Variants in PPT2 observed in about 807,000 individuals in gnomAD.
PPT2 encodes the protein lysosomal thioesterase PPT2.
In PPT2, 20 loss-of-function variants were observed where a neutral mutation model predicts 37.3. The ratio of observed to expected loss-of-function variants is 0.54; its 90% CI spans 0.38 to 0.78. PPT2 has a LOEUF of 0.78. Among genes scored for constraint, PPT2 ranks in the 30% least tolerant of loss-of-function variants. The pLI, the probability that PPT2 is intolerant of heterozygous loss-of-function variation, is 0.00. For synonymous variants in PPT2, 135 were observed against 159.1 expected (o/e 0.85, Z 1.14); for missense variants, 270 against 389.8 (o/e 0.69, Z 2.59).
intron 7 of PPT2, among the ~76,000 whole-genome samples, chr6:32,160,676 GA>G (rs1188686329): frequency 6.8e-6 from 1 of 147,716 alleles, no homozygotes; most frequent in Non-Finnish European, 1.5e-5. Flanking sequence ...AAAAAAAAAA[GA>G]AAAAAAGGAT....
chr6:32,156,004 T>G lies in PPT2; in HGVS notation c.541+26T>G, dbSNP rs1433761241. 1 of 1,554,054 alleles carries G rather than the reference T, an allele frequency of 6.4e-7. No homozygotes were observed. The highest frequency in any genetic ancestry group is 8.9e-7 in the Non-Finnish European group (1 of 1,125,620). On this transcript the variant is annotated intron_variant, in intron 5 of 8. Coordinates refer to ENST00000324816, the MANE Select transcript of PPT2 (RefSeq NM_005155.7). This position sits in a 1 kb window ranked among gnomAD's most constrained non-coding sequence, Gnocchi z 4.9. Reference sequence around the variant, plus strand: ...GTGAGTGGGGATGCTGAACTGGGGCTTCCATGGATCAGGTCAGTTGCTTCC... The same window carrying G: ...GTGAGTGGGGATGCTGAACTGGGGCGTCCATGGATCAGGTCAGTTGCTTCC...
At chr6:32,160,723 T>G (rs1784100424) in intron 7 of PPT2, among the ~76,000 whole-genome samples, 1 of 151,718 alleles carries the variant, frequency 6.6e-6, no homozygotes, top group African/African-American at 2.4e-5. Context: ...ATTTCATACT[T>G]AAGAAAAGTT....
rs1011321627 is a variant in PPT2 at position 32,156,106 on chromosome 6, C to T, written c.541+128C>T. ...TTGAGTTATTTGAACAGGCTCTGTT[C>T]AGAATTTTTTTTTTTTTTGAGACGG... On this transcript the variant is annotated intron_variant, in intron 5 of 8. Transcript: ENST00000324816. This position sits in a 1 kb window ranked among gnomAD's most constrained non-coding sequence, Gnocchi z 4.9. The T allele has an allele frequency of 6.4e-6, 5 of 782,668 alleles. No individual in the cohort carries two copies. The highest frequency in any genetic ancestry group is 5.3e-5 in the African/African-American group (3 of 56,864). 48.5% of individuals were successfully genotyped at this position (782,668 alleles called of 1,614,324 possible).
upstream of PPT2, chr6:32,153,656 C>T: frequency 3.2e-6 from 1 of 308,126 alleles, no homozygotes; most frequent in Non-Finnish European, 6.2e-6. The surrounding 1 kb of genome is among the most constrained non-coding windows in gnomAD (Gnocchi z 4.4). Context: ...TGACCTGGGG[C>T]GGACTGGAGG....
At chr6:32,153,745 C>A, upstream of PPT2, 1 of 1,366,590 alleles carries the variant, frequency 7.3e-7, no homozygotes, top group East Asian at 2.5e-5. The surrounding 1 kb of genome is among the most constrained non-coding windows in gnomAD (Gnocchi z 4.4). Flanking sequence ...ACCCAGCACA[C>A]GGCAAAATGC....
rs554874910 is a variant in PPT2 at position 32,160,538 on chromosome 6, G to A, written c.711-2030G>A. ...TACAAAAATTAGTGGGCCTGGTGGC[G>A]CACGCCTGTAGTTCCAGCTACTCAG... On this transcript the variant is annotated intron_variant, in intron 7 of 8. Coordinates refer to ENST00000324816, the MANE Select transcript of PPT2 (RefSeq NM_005155.7). Among the ~76,000 whole-genome samples, 9 of 151,546 alleles carry A rather than the reference G, an allele frequency of 5.9e-5. No individual in the cohort carries two copies. The South Asian group carries it at 1.3e-3, about 21-fold the overall frequency.
upstream of PPT2, chr6:32,153,957 C>T: frequency 7.3e-7 from 1 of 1,371,444 alleles, no homozygotes; most frequent in Non-Finnish European, 9.4e-7. This position sits in a 1 kb window ranked among gnomAD's most constrained non-coding sequence, Gnocchi z 4.4. Flanking sequence ...TTTTCCTCTC[C>T]CCACTGGCCT....
Position 32,155,289 on chromosome 6 carries a change from A to G in PPT2, c.337+106A>G, listed in dbSNP as rs1203447547. ...TTTTCTGAACCACATTGCTCCAGGC[A>G]CAACCCTGGTACCTGAGCCCTTCCT... On this transcript the variant is annotated intron_variant, in intron 3 of 8. Coordinates refer to ENST00000324816, the MANE Select transcript of PPT2 (RefSeq NM_005155.7). The surrounding 1 kb of genome is among the most constrained non-coding windows in gnomAD (Gnocchi z 4.3). 4.5e-6 allele frequency: 6 copies of G among 1,332,796 alleles called. No individual in the cohort carries two copies. In the African/African-American group the frequency reaches 8.8e-5, roughly 19 times the overall value. The allele number at this position is 1,332,796 out of a possible 1,614,324, so 82.6% of individuals were successfully genotyped here.
chr6:32,161,675 C>T (rs912690385), intron 7 of PPT2, among the ~76,000 whole-genome samples: 1 of 149,678 alleles, frequency 6.7e-6, no homozygotes, highest in East Asian at 2.0e-4. Flanking sequence ...GCAACCTTTG[C>T]GTCCCAGAAT....
intron 7 of PPT2, among the ~76,000 whole-genome samples, chr6:32,160,076 G>A (rs1220977347): frequency 2.0e-5 from 3 of 146,488 alleles, no homozygotes; most frequent in South Asian, 2.2e-4. Flanking sequence ...TGGAGTCTTC[G>A]CTCGGTCGCC....
chr6:32,160,875 C>A (rs1021400353), intron 7 of PPT2, among the ~76,000 whole-genome samples: 3 of 151,274 alleles, frequency 2.0e-5, no homozygotes, highest in African/African-American at 7.3e-5. Context: ...GTAGTCCCAG[C>A]TACTTGGGAG....
chr6:32,159,724 C>CTTT (rs1262133551), intron 7 of PPT2, among the ~76,000 whole-genome samples: 4 of 141,842 alleles, frequency 2.8e-5, no homozygotes, highest in Non-Finnish European at 4.6e-5. Context: ...CTGTTTCTTC[C>CTTT]TTTTTTTTTT....
In PPT2 at chr6:32,155,802, C is replaced by A; in HGVS notation, c.433+19C>A. The A allele has an allele frequency of 1.2e-6, 2 of 1,610,822 alleles. No homozygotes were observed. Among genetic ancestry groups the A allele is most frequent in the Non-Finnish European group, 1.7e-6 (2 of 1,177,008 alleles). Reference sequence around the variant, plus strand: ...TATGGAGGTGAGTGGGCACTAGACTCCATAGAATGCCCTGAGTTTTGGGGG... The same window carrying A: ...TATGGAGGTGAGTGGGCACTAGACTACATAGAATGCCCTGAGTTTTGGGGG... On this transcript the variant is annotated intron_variant, in intron 4 of 8. Transcript: ENST00000324816. This position sits in a 1 kb window ranked among gnomAD's most constrained non-coding sequence, Gnocchi z 4.3.
rs1784241214 is a variant in PPT2 at position 32,162,698 on chromosome 6, C to T, written c.765+76C>T. 11 of 1,573,148 alleles carry T rather than the reference C, an allele frequency of 7.0e-6. No homozygotes were observed. In the East Asian group the frequency reaches 2.5e-4, roughly 35 times the overall value. On this transcript the variant is annotated intron_variant, in intron 8 of 8. Transcript: ENST00000324816. The surrounding 1 kb of genome is among the most constrained non-coding windows in gnomAD (Gnocchi z 5.5). ...CAGAGCCCTCTCTGTGACTCCTGAG[C>T]TGAAGGGTTCACCCTGTGGGGAGGA...
rs28359849 is a variant in PPT2 at position 32,155,584 on chromosome 6, CTGTGTGTGTGTG to C, written c.338-81_338-70del. 46 of 698,632 alleles carry C rather than the reference CTGTGTGTGTGTG, an allele frequency of 6.6e-5. No individual in the cohort carries two copies. The highest frequency in any genetic ancestry group is 3.9e-4 in the African/African-American group (18 of 45,974). 43.3% of individuals were successfully genotyped at this position (698,632 alleles called of 1,614,324 possible). A position where few individuals can be genotyped will look rare whatever the true frequency, so the allele number is the denominator to read the frequency against. On this transcript the variant is annotated intron_variant, in intron 3 of 8. Transcript: ENST00000324816. The surrounding 1 kb of genome is among the most constrained non-coding windows in gnomAD (Gnocchi z 4.3). Reference sequence around the variant, plus strand: ...GTACAGTGTGTGTCTGTGTGTGTCTCTGTGTGTGTGTGTGTGTGTGTGTGTGTGTGTGTGGTG... The same window carrying C: ...GTACAGTGTGTGTCTGTGTGTGTCTCTGTGTGTGTGTGTGTGTGTGTGGTG...
chr6:32,160,631 AC>A (rs1784094211), intron 7 of PPT2, among the ~76,000 whole-genome samples: 1 of 151,656 alleles, frequency 6.6e-6, no homozygotes, highest in Admixed American at 6.6e-5. Flanking sequence ...GTGCCACTGC[AC>A]TCCAGCCTGG....
chr6:32,153,605 A>G, upstream of PPT2: 1 of 1,374,400 alleles, frequency 7.3e-7, no homozygotes. The surrounding 1 kb of genome is among the most constrained non-coding windows in gnomAD (Gnocchi z 4.4). Context: ...TCTGGAGACA[A>G]GGGCACTACA....
At position 32,155,216 on chromosome 6, in the gene PPT2, CCTAT is replaced by C. The variant is rs1436783958; in HGVS notation, c.337+36_337+39del. The C allele has an allele frequency of 6.2e-7, 1 of 1,610,850 alleles. No individual in the cohort carries two copies. Among genetic ancestry groups the C allele is most frequent in the Non-Finnish European group, 8.5e-7 (1 of 1,178,278 alleles). Reference sequence around the variant, plus strand: ...ACTCCCCTGCCCCTAACTCCTAAGCCCTATCTGAGGCTTGATCCTTATCTGAGGG... The same window carrying C: ...ACTCCCCTGCCCCTAACTCCTAAGCCCTGAGGCTTGATCCTTATCTGAGGG... On this transcript the variant is annotated intron_variant, in intron 3 of 8. Coordinates refer to ENST00000324816, the MANE Select transcript of PPT2 (RefSeq NM_005155.7). This position sits in a 1 kb window ranked among gnomAD's most constrained non-coding sequence, Gnocchi z 4.3.
At position 32,154,692 on chromosome 6, in the gene PPT2, G is replaced by T; in HGVS notation, c.98G>T (p.Arg33Leu). The change falls in exon 2 of 9, where the codon CGC becomes CTC. Residue 33 changes from arginine to leucine, a missense_variant. Transcript: ENST00000324816. The surrounding 1 kb of genome is among the most constrained non-coding windows in gnomAD (Gnocchi z 7.3). ...CTGCTTGCAGCCCCCGCGCCCCACCGCGCGTCCTACAAGCCGGTCATCGTG... is the reference window on the plus strand; with the variant it reads ...CTGCTTGCAGCCCCCGCGCCCCACCTCGCGTCCTACAAGCCGGTCATCGTG... ...LLLLAAPAPH[R>L]ASYKPVIVVH... 1 of 1,613,044 alleles carries T rather than the reference G, an allele frequency of 6.2e-7. No individual in the cohort carries two copies. The highest frequency in any genetic ancestry group is 8.5e-7 in the Non-Finnish European group (1 of 1,180,004).
Sources: gnomAD v4.1 joint callset for allele counts (sites outside exome capture counted in the v4.1 genomes callset) on GRCh38, gnomAD v4.1.1 for gene constraint, Gnocchi (gnomAD v3.1) non-coding constraint, MANE v1.5 for transcripts, NCBI Gene and HGNC (gene_info 2026-07-23, HGNC 2026-07-21) for gene names.